Variants in LIPK observed in about 807,000 individuals in gnomAD.
The protein encoded by LIPK is lipase family member K.
Under a neutral mutation model 48.6 loss-of-function variants are expected in LIPK, and 32 were observed. That is an observed-to-expected ratio of 0.66 (90% CI 0.50 to 0.88). The LOEUF (loss-of-function observed/expected upper bound fraction) is 0.88, where lower values mean the gene tolerates loss of function less well. LIPK is among the 40% of genes least tolerant of loss of function. LIPK has a pLI of 0.00. For synonymous variants in LIPK, 164 were observed against 157.4 expected, an observed-to-expected ratio of 1.04 and a Z score of -0.32; for missense variants, 507 against 478.5, an observed-to-expected ratio of 1.06 and a Z score of -0.56.
chr10:88,742,457 A>G (rs568681577), intron 8 of LIPK, among the ~76,000 whole-genome samples: 1 of 152,404 alleles, frequency 6.6e-6, no homozygotes, highest in East Asian at 1.9e-4. Flanking sequence ...AGAAAAACAC[A>G]GAATAGTCTG....
intron 3 of LIPK, among the ~76,000 whole-genome samples, chr10:88,730,359 G>A (rs753702355): frequency 1.3e-5 from 2 of 151,932 alleles, no homozygotes; most frequent in Admixed American, 6.6e-5. Context: ...TGGCGATCTC[G>A]GCTCACTGCA....
Position 88,714,097 on chromosome 10 carries a change from G to C in LIPK, c.-12+7777G>C, listed in dbSNP as rs1370172902. The stretch of plus-strand genomic sequence containing the variant: ...CACGGTAAATGGAGGTGATAAGAAA[G>C]ACATGCTTTCTCTTGTTTCATTCTT... On this transcript the variant is annotated intron_variant, in intron 1 of 9. Coordinates refer to ENST00000404190, the MANE Select transcript of LIPK (RefSeq NM_001080518.2). 2.0e-5 allele frequency among the ~76,000 whole-genome samples: 3 copies of C among 152,026 alleles called. No homozygotes were observed. In the East Asian group the frequency reaches 5.8e-4, roughly 29 times the overall value.
chr10:88,726,851 A>C lies in LIPK; in HGVS notation c.162A>C (p.Lys54Asn). 6.2e-7 allele frequency: 1 copy of C among 1,608,902 alleles called. No individual in the cohort carries two copies. The highest frequency in any genetic ancestry group is 8.5e-7 in the Non-Finnish European group (1 of 1,176,202). Residue 54 changes from lysine (K) to asparagine (N), a missense_variant, in exon 3 of 10, where the codon AAA becomes AAC. Lys to Asn is a moderately conservative substitution (Grantham distance 94). Transcript: ENST00000404190. ...YPYEEYDVTTKDGYILGIYRI... is the reference protein window; with the variant it reads ...YPYEEYDVTTNDGYILGIYRI... ...ATGAAGAGTATGATGTTACAACAAA[A>C]GATGGTTATATCCTTGGAATTTATA...
At chr10:88,744,937 A>G (rs898199440) in intron 9 of LIPK, among the ~76,000 whole-genome samples, 1 of 152,220 alleles carries the variant, frequency 6.6e-6, no homozygotes, top group South Asian at 2.1e-4. Flanking sequence ...AAATAACCAA[A>G]TTGATCTGAT....
chr10:88,711,197 TTATCAAA>T (rs1478360957), intron 1 of LIPK, among the ~76,000 whole-genome samples: 1 of 152,184 alleles, frequency 6.6e-6, no homozygotes, highest in African/African-American at 2.4e-5. Flanking sequence ...CTAGAGTCCT[TTATCAAA>T]TATCTGTTGC....
At chr10:88,708,815 T>A (rs1841979091) in intron 1 of LIPK, among the ~76,000 whole-genome samples, 1 of 152,114 alleles carries the variant, frequency 6.6e-6, no homozygotes, top group Non-Finnish European at 1.5e-5. Flanking sequence ...ACAAATATAT[T>A]TTAATATAAC....
chr10:88,718,899 T>C (rs893115875), intron 1 of LIPK, among the ~76,000 whole-genome samples: 5 of 152,196 alleles, frequency 3.3e-5, no homozygotes, highest in African/African-American at 7.2e-5. Flanking sequence ...GCTGCTCTTA[T>C]TCTATTTGAG....
rs537444601 is a variant in LIPK at position 88,723,344 on chromosome 10, CAT to C, written c.-11-1187_-11-1186del. Among the ~76,000 whole-genome samples, 559 of 152,186 alleles carry C rather than the reference CAT, an allele frequency of 3.7e-3. 1 individual carries two copies. The highest frequency in any genetic ancestry group is 0.013 in the African/African-American group (538 of 41,514). ...CTGAAGGTGATATTATTATTGCTGC[CAT>C]AGAGTTGCACCAGAATCAAGCTATA... On this transcript the variant is annotated intron_variant, in intron 1 of 9. Coordinates refer to ENST00000404190, the MANE Select transcript of LIPK (RefSeq NM_001080518.2).
chr10:88,732,692 T>G, intron 6 of LIPK, 141 bp downstream of exon 6: 1 of 866,422 alleles, frequency 1.2e-6, no homozygotes, highest in Non-Finnish European at 1.8e-6. Context: ...TCACTGATGA[T>G]GTATGCAATC....
In LIPK at chr10:88,737,716, T is replaced by C. The variant is rs1402917393; in HGVS notation, c.751T>C (p.Phe251Leu). The C allele has an allele frequency of 1.3e-5, 21 of 1,613,922 alleles. No individual in the cohort carries two copies. Among genetic ancestry groups the C allele is most frequent in the Non-Finnish European group, 1.7e-5 (20 of 1,179,788 alleles). The change falls in exon 7 of 10, where the codon TTC becomes CTC. Residue 251 changes from phenylalanine to leucine, a missense_variant. Transcript: ENST00000404190. ...IATKVCNRKLFRRICSNFLFT... is the reference protein window; with the variant it reads ...IATKVCNRKLLRRICSNFLFT... Reference sequence around the variant, plus strand: ...CACCAAAGTGTGCAATCGAAAGCTATTCCGTCGTATTTGCAGCAACTTCCT... The same window carrying C: ...CACCAAAGTGTGCAATCGAAAGCTACTCCGTCGTATTTGCAGCAACTTCCT...
At chr10:88,706,556 CTATATT>C (rs1841938990) in intron 1 of LIPK, among the ~76,000 whole-genome samples, 2 of 152,102 alleles carry the variant, frequency 1.3e-5, no homozygotes, top group African/African-American at 4.8e-5. Flanking sequence ...GCAGACATCA[CTATATT>C]TGAACCTCAG....
chr10:88,724,421 C>T, intron 1 of LIPK, 112 bp from the exon 2 acceptor site: 1 of 674,806 alleles, frequency 1.5e-6, no homozygotes, highest in Non-Finnish European at 2.6e-6. Flanking sequence ...TAAAGCACAG[C>T]CTAGAAGTAT....
At chr10:88,707,671 G>A (rs1374071635) in intron 1 of LIPK, among the ~76,000 whole-genome samples, 1 of 152,034 alleles carries the variant, frequency 6.6e-6, no homozygotes, top group Admixed American at 6.6e-5. Flanking sequence ...CATCAAAGTT[G>A]CCTAGTCTTT....
intron 7 of LIPK, among the ~76,000 whole-genome samples, chr10:88,739,641 G>A (rs1483860673): frequency 1.3e-5 from 2 of 152,042 alleles, no homozygotes; most frequent in East Asian, 1.9e-4. Flanking sequence ...GGATCACGAG[G>A]TCAGGAGAGC....
intron 6 of LIPK, among the ~76,000 whole-genome samples, chr10:88,734,765 G>A (rs541824923): frequency 1.5e-4 from 23 of 152,274 alleles, no homozygotes; most frequent in African/African-American, 5.1e-4. Flanking sequence ...GATAGATATT[G>A]GGGATTGGAA....
intron 6 of LIPK, among the ~76,000 whole-genome samples, chr10:88,737,416 G>T (rs1431794745): frequency 6.6e-6 from 1 of 152,094 alleles, no homozygotes; most frequent in African/African-American, 2.4e-5. Context: ...TTTCTCAAGG[G>T]GCATTCTAAA....
At chr10:88,706,930 T>C (rs1217901534) in intron 1 of LIPK, among the ~76,000 whole-genome samples, 1 of 152,138 alleles carries the variant, frequency 6.6e-6, no homozygotes, top group Admixed American at 6.6e-5. Flanking sequence ...CACATTAATG[T>C]AGATGATATT....
chr10:88,717,033 G>T (rs929379038), intron 1 of LIPK, among the ~76,000 whole-genome samples: 1 of 152,146 alleles, frequency 6.6e-6, no homozygotes, highest in Non-Finnish European at 1.5e-5. Context: ...GCTAGCAAAG[G>T]GTGGAGCTGG....
At chr10:88,723,225 A>G (rs1165466839) in intron 1 of LIPK, among the ~76,000 whole-genome samples, 4 of 152,170 alleles carry the variant, frequency 2.6e-5, no homozygotes, top group African/African-American at 9.6e-5. Context: ...AGAATAAAAT[A>G]AAATCATATA....
Sources: allele counts gnomAD v4.1 joint callset (sites outside exome capture counted in the v4.1 genomes callset), GRCh38; gene constraint gnomAD v4.1.1; transcripts MANE v1.5; gene names NCBI Gene and HGNC (gene_info 2026-07-23, HGNC 2026-07-21).